Variants in LIMS1 observed in about 807,000 individuals in gnomAD.
LIMS1 encodes LIM zinc finger domain containing 1, also known as LIM and senescent cell antigen-like-containing domain protein 1.
In LIMS1, 18 loss-of-function variants were observed where a neutral mutation model predicts 44.1. That is an observed-to-expected ratio of 0.41 (90% CI 0.28 to 0.61). LIMS1 has a LOEUF of 0.61. LIMS1 is among the 20% of genes least tolerant of loss of function. The pLI is 0.32. For missense variants in LIMS1, 201 were observed against 422.0 expected, an observed-to-expected ratio of 0.48 and a Z score of 4.59; for synonymous variants, 93 against 149.1, an observed-to-expected ratio of 0.62 and a Z score of 2.74.
intron 1 of LIMS1, among the ~76,000 whole-genome samples, chr2:108,601,234 G>A (rs1573414769): frequency 2.6e-5 from 4 of 152,292 alleles, no homozygotes; most frequent in Admixed American, 2.6e-4. Flanking sequence ...ATGAAAAGGG[G>A]AGAAGGGAAA....
chr2:108,623,169 G>GAAGTA (rs1688352955), intron 1 of LIMS1, among the ~76,000 whole-genome samples: 1 of 151,838 alleles, frequency 6.6e-6, no homozygotes, highest in African/African-American at 2.4e-5. Flanking sequence ...TCCTTATTCA[G>GAAGTA]AAGTATAGGT....
intron 1 of LIMS1, among the ~76,000 whole-genome samples, chr2:108,657,461 A>G (rs1168559427): frequency 6.6e-6 from 1 of 152,312 alleles, no homozygotes; most frequent in Non-Finnish European, 1.5e-5. Flanking sequence ...AACAGCACTG[A>G]GAATGACCAG....
chr2:108,620,178 A>C (rs142393449), intron 1 of LIMS1, among the ~76,000 whole-genome samples: 1 of 152,114 alleles, frequency 6.6e-6, no homozygotes, highest in Non-Finnish European at 1.5e-5. Context: ...TCCCTTTCCT[A>C]TGGGTTGCCT....
intron 1 of LIMS1, among the ~76,000 whole-genome samples, chr2:108,598,639 A>T (rs1225881773): frequency 1.3e-5 from 2 of 152,154 alleles, no homozygotes; most frequent in Non-Finnish European, 2.9e-5. Flanking sequence ...GGCCAGGCAG[A>T]TGTGTGCCAG....
chr2:108,590,333 T>C (rs191996833), intron 1 of LIMS1, among the ~76,000 whole-genome samples: 320 of 152,328 alleles, frequency 2.1e-3, no homozygotes, highest in Non-Finnish European at 4.0e-3. Context: ...GTATTTTTCA[T>C]GGATAAGAAA....
At chr2:108,619,765 A>G (rs1398351533) in intron 1 of LIMS1, among the ~76,000 whole-genome samples, 1 of 152,168 alleles carries the variant, frequency 6.6e-6, no homozygotes. Context: ...TGTAAACTAA[A>G]TTGTTTGGTA....
chr2:108,551,539 T>C (rs1473807543), intron 1 of LIMS1, among the ~76,000 whole-genome samples: 3 of 141,988 alleles, frequency 2.1e-5, no homozygotes, highest in Non-Finnish European at 3.0e-5. Context: ...ACACGAGACC[T>C]CTGTAATTCT....
Position 108,587,976 on chromosome 2 carries a change from A to T in LIMS1, c.32+53382A>T, listed in dbSNP as rs1686188856. Among the ~76,000 whole-genome samples the T allele has an allele frequency of 2.0e-5, 3 of 152,226 alleles. No individual in the cohort carries two copies. In the South Asian group the frequency reaches 6.2e-4, roughly 32 times the overall value. On this transcript the variant is annotated intron_variant, in intron 1 of 9. Coordinates refer to ENST00000544547, the Ensembl canonical transcript of LIMS1. The stretch of plus-strand genomic sequence containing the variant: ...CCAGAGTAGCATTCAGAGGGCACAT[A>T]AAGAAGCTCCGTTAATTCAAACATG...
At chr2:108,615,030 A>T (rs567430315) in intron 1 of LIMS1, among the ~76,000 whole-genome samples, 37 of 152,276 alleles carry the variant, frequency 2.4e-4, no homozygotes, top group African/African-American at 8.4e-4. Context: ...TGTAATGACG[A>T]TTTAGTTTAG....
At chr2:108,646,449 C>T (rs975540536) in intron 1 of LIMS1, among the ~76,000 whole-genome samples, 10 of 152,116 alleles carry the variant, frequency 6.6e-5, no homozygotes, top group African/African-American at 1.7e-4. Context: ...AAAGACACAA[C>T]GTACCAGAAT....
intron 9 of LIMS1, chr2:108,681,776 G>T (rs931726358): frequency 1.7e-5 from 3 of 180,942 alleles, no homozygotes; most frequent in Admixed American, 1.3e-4. Flanking sequence ...AAACAAATTA[G>T]CCAGGCGTGG....
At chr2:108,675,584 C>T (rs1692486604) in intron 5 of LIMS1, among the ~76,000 whole-genome samples, 1 of 152,086 alleles carries the variant, frequency 6.6e-6, no homozygotes, top group South Asian at 2.1e-4. Context: ...GACAAATGGA[C>T]TAAAATGTAA....
chr2:108,592,436 T>A (rs1247767583), intron 1 of LIMS1, among the ~76,000 whole-genome samples: 1 of 152,126 alleles, frequency 6.6e-6, no homozygotes, highest in Non-Finnish European at 1.5e-5. Flanking sequence ...CTAAAAAAAT[T>A]GAAAAATAAC....
At chr2:108,569,457 A>G (rs1685408951) in intron 1 of LIMS1, among the ~76,000 whole-genome samples, 1 of 151,980 alleles carries the variant, frequency 6.6e-6, no homozygotes, top group Non-Finnish European at 1.5e-5. Flanking sequence ...TAGGAGTTTT[A>G]TACTTTGGGG....
chr2:108,642,345 T>G (rs1689736646), intron 1 of LIMS1, among the ~76,000 whole-genome samples: 1 of 17,186 alleles, frequency 5.8e-5, no homozygotes, highest in African/African-American at 1.8e-4. Flanking sequence ...GTTTTTTGTT[T>G]TTTTTTTTTT....
chr2:108,545,442 C>T (rs1684452652), intron 1 of LIMS1, among the ~76,000 whole-genome samples: 1 of 152,280 alleles, frequency 6.6e-6, no homozygotes, highest in Non-Finnish European at 1.5e-5. Flanking sequence ...ACCATGTTGG[C>T]CTGGCTGGTC....
chr2:108,674,521 G>C (rs1274785750), intron 5 of LIMS1, among the ~76,000 whole-genome samples: 1 of 151,472 alleles, frequency 6.6e-6, no homozygotes, highest in Non-Finnish European at 1.5e-5. Context: ...AGGAGATCGA[G>C]ACCATCCTGG....
At chr2:108,657,361 G>T (rs531194084) in intron 1 of LIMS1, among the ~76,000 whole-genome samples, 9 of 152,420 alleles carry the variant, frequency 5.9e-5, no homozygotes, top group Admixed American at 5.9e-4. Flanking sequence ...TTTTGAGAGG[G>T]TTTAGAATTA....
rs932584449 is a variant in LIMS1, at chr2:108,677,891, C to G, written c.775-88C>G. 2.6e-5 allele frequency: 39 copies of G among 1,526,556 alleles called. No individual in the cohort carries two copies. The Admixed American group carries it at 3.7e-4, about 14-fold the overall frequency. 94.6% of individuals were successfully genotyped at this position (1,526,556 alleles called of 1,614,324 possible). A position where few individuals can be genotyped will look rare whatever the true frequency, so the allele number is the denominator to read the frequency against. ...AATTTCTCTAGTAGTGATAAATCCTCAATTTAGATAGCCAGCTATTTTTAA... is the reference window on the plus strand; with the variant it reads ...AATTTCTCTAGTAGTGATAAATCCTGAATTTAGATAGCCAGCTATTTTTAA... On this transcript the variant is annotated intron_variant, in intron 7 of 9. Transcript: ENST00000544547.
Sources: gnomAD v4.1 joint callset for allele counts (sites outside exome capture counted in the v4.1 genomes callset) on GRCh38, gnomAD v4.1.1 for gene constraint, MANE v1.5 for transcripts, NCBI Gene and HGNC (gene_info 2026-07-23, HGNC 2026-07-21) for gene names.